The following GRIK3 variants were observed in gnomAD, a reference collection of about 807,000 sequenced individuals.
GRIK3 encodes the protein glutamate receptor ionotropic, kainate 3.
A neutral mutation model predicts 102.5 loss-of-function variants in GRIK3; 29 were observed. That is an observed-to-expected ratio of 0.28 (90% CI 0.21 to 0.39). The LOEUF (loss-of-function observed/expected upper bound fraction) is 0.39. GRIK3 is among the 10% of genes least tolerant of loss of function. The probability of loss-of-function intolerance (pLI) is 1.00; values close to 1 mark genes in which losing one functional copy is unlikely to be tolerated. For missense variants in GRIK3, 908 were observed against 1,252.4 expected (o/e 0.73, Z 4.15); for synonymous variants, 511 against 504.9 (o/e 1.01, Z -0.16).
intron 1 of GRIK3, among the ~76,000 whole-genome samples, chr1:37,030,422 G>A (rs1642811195): frequency 6.6e-6 from 1 of 152,134 alleles, no homozygotes; most frequent in Non-Finnish European, 1.5e-5. Flanking sequence ...GGGATCGGCT[G>A]CTGTTGCCTG....
chr1:36,797,622 C>T lies in GRIK3; in HGVS notation c.*4229G>A, dbSNP rs1219987962. On this transcript the variant is annotated 3_prime_UTR_variant, in exon 16 of 16. Coordinates refer to ENST00000373091, the MANE Select transcript of GRIK3 (RefSeq NM_000831.4). The stretch of plus-strand genomic sequence containing the variant: ...CTGGGCCCATCCCAGATGATAAGTC[C>T]ATGCAGCTGTTTGTCCAAACCTCTA... The T allele has an allele frequency of 6.6e-6, 1 of 152,296 alleles. No individual in the cohort carries two copies. Among genetic ancestry groups the T allele is most frequent in the Admixed American group, 6.5e-5 (1 of 15,288 alleles). The allele number at this position is 152,296 out of a possible 1,614,324, so 9.4% of individuals were successfully genotyped here. A position where few individuals can be genotyped will look rare whatever the true frequency, so the allele number is the denominator to read the frequency against.
chr1:36,833,926 C>T (rs1003426540), intron 10 of GRIK3, among the ~76,000 whole-genome samples: 32 of 152,218 alleles, frequency 2.1e-4, no homozygotes, highest in East Asian at 1.7e-3. Flanking sequence ...CCTGACCTCT[C>T]GAGTCTCCAA....
Position 37,033,892 on chromosome 1 carries a change from C to A in GRIK3, c.115+102G>T, listed in dbSNP as rs766797126. 4.4e-5 allele frequency: 27 copies of A among 609,416 alleles called. No homozygotes were observed. The African/African-American group carries it at 4.7e-4, about 11-fold the overall frequency. The allele number at this position is 609,416 out of a possible 1,614,324, so 37.8% of individuals were successfully genotyped here. ...GTGGTCACCGATCGGCTCAGCAGCT[C>A]GGAGAGAGGTTAGGAAAATCTCTCC... On this transcript the variant is annotated intron_variant, in intron 1 of 15. Transcript: ENST00000373091.
At chr1:36,871,183 ACACAAC>A (rs2124252692) in intron 4 of GRIK3, among the ~76,000 whole-genome samples, 1 of 152,276 alleles carries the variant, frequency 6.6e-6, no homozygotes, top group Admixed American at 6.5e-5. Flanking sequence ...GCTCCAGGGC[ACACAAC>A]GTGAAAGGGC....
chr1:36,806,116 C>T lies in GRIK3; in HGVS notation c.2302G>A (p.Gly768Ser), dbSNP rs1642499366. 3 of 1,613,570 alleles carry T rather than the reference C, an allele frequency of 1.9e-6. No individual in the cohort carries two copies. The highest frequency in any genetic ancestry group is 2.5e-6 in the Non-Finnish European group (3 of 1,179,578). The change falls in exon 14 of 16, where the codon GGC (glycine) becomes AGC (serine). Residue 768 changes from glycine to serine, a missense_variant. Around this residue, in one of 3 missense-constraint regions of GRIK3, gnomAD observed 297 missense variants for 362.7 expected, o/e 0.82. Coordinates refer to ENST00000373091, the MANE Select transcript of GRIK3 (RefSeq NM_000831.4). This position sits in a 1 kb window ranked among gnomAD's most constrained non-coding sequence, Gnocchi z 4.0. The stretch of plus-strand genomic sequence containing the variant: ...GCCCCTCGCTCACCCATGGGCGTGC[C>T]GATGCCGTAGCCCTTGGAGTCAATG... The part of the protein sequence containing the change: ...GLIDSKGYGI[G>S]TPMGSPYRDK...
intron 10 of GRIK3, among the ~76,000 whole-genome samples, chr1:36,832,177 C>T (rs2124205086): frequency 6.6e-6 from 1 of 152,250 alleles, no homozygotes; most frequent in East Asian, 1.9e-4. Flanking sequence ...GGTGTTTCCA[C>T]CCCCTCAGAC....
intron 1 of GRIK3, among the ~76,000 whole-genome samples, chr1:36,999,958 T>C (rs751025473): frequency 7.9e-5 from 12 of 152,036 alleles, no homozygotes; most frequent in African/African-American, 2.2e-4. Flanking sequence ...GATCACACCA[T>C]TGCACTCCAG....
At chr1:36,927,546 C>T (rs1247295451) in intron 1 of GRIK3, among the ~76,000 whole-genome samples, 1 of 152,098 alleles carries the variant, frequency 6.6e-6, no homozygotes, top group Non-Finnish European at 1.5e-5. Flanking sequence ...GTGTTTGTGA[C>T]CTCCGTTCAT....
chr1:36,974,357 T>C (rs1046667009), intron 1 of GRIK3, among the ~76,000 whole-genome samples: 1 of 152,218 alleles, frequency 6.6e-6, no homozygotes, highest in Non-Finnish European at 1.5e-5. Flanking sequence ...GGTTAAAATA[T>C]GTTAACATAT....
intron 1 of GRIK3, among the ~76,000 whole-genome samples, chr1:36,957,106 T>A (rs1015629520): frequency 3.3e-5 from 5 of 152,258 alleles, no homozygotes; most frequent in Admixed American, 3.3e-4. Context: ...GCCTCCAGAA[T>A]AAGGCTGGGC....
In GRIK3 at chr1:36,974,378, C is replaced by T. The variant is rs1642174049; in HGVS notation, c.115+59616G>A. ...AATATGTTAACATATATATGTTTAACACATGCATATATTAAAATATAAACA... is the reference window on the plus strand; with the variant it reads ...AATATGTTAACATATATATGTTTAATACATGCATATATTAAAATATAAACA... On this transcript the variant is annotated intron_variant, in intron 1 of 15. Coordinates refer to ENST00000373091, the MANE Select transcript of GRIK3 (RefSeq NM_000831.4). Among the ~76,000 whole-genome samples, 4 of 152,250 alleles carry T rather than the reference C, an allele frequency of 2.6e-5. No individual in the cohort carries two copies. The South Asian group carries it at 8.3e-4, about 32-fold the overall frequency.
intron 1 of GRIK3, among the ~76,000 whole-genome samples, chr1:37,022,700 T>G (rs1425063644): frequency 6.6e-6 from 1 of 152,198 alleles, no homozygotes; most frequent in Non-Finnish European, 1.5e-5. Flanking sequence ...ATGGAAAAAG[T>G]GTTGAGCTGC....
chr1:36,859,225 G>A lies in GRIK3; in HGVS notation c.987C>T (p.Ala329=), dbSNP rs375298280. The A allele has an allele frequency of 9.9e-6, 16 of 1,612,474 alleles. No homozygotes were observed. The highest frequency in any genetic ancestry group is 4.0e-5 in the African/African-American group (3 of 74,876). Residue 329 remains alanine, a synonymous_variant, in exon 7 of 16, where the codon GCC becomes GCT. Coordinates refer to ENST00000373091, the MANE Select transcript of GRIK3 (RefSeq NM_000831.4). ...MMTDAALLYD[A]VHIVSVCYQR... ...GGTAGCACACGGACACGATATGGAC[G>A]GCGTCGTACAGTAAGGCTGCATCAG...
At chr1:36,879,267 G>A (rs1429943424) in intron 3 of GRIK3, among the ~76,000 whole-genome samples, 2 of 152,160 alleles carry the variant, frequency 1.3e-5, no homozygotes, top group African/African-American at 4.8e-5. Flanking sequence ...GCTGAGGTGG[G>A]AGGATTGCTT....
intron 3 of GRIK3, among the ~76,000 whole-genome samples, chr1:36,873,994 G>C (rs1640873062): frequency 6.6e-6 from 1 of 152,178 alleles, no homozygotes; most frequent in African/African-American, 2.4e-5. Flanking sequence ...TTCAGCCTCT[G>C]GATCAAATGG....
intron 2 of GRIK3, among the ~76,000 whole-genome samples, chr1:36,884,138 G>A (rs1641013436): frequency 6.6e-6 from 1 of 152,144 alleles, no homozygotes; most frequent in Non-Finnish European, 1.5e-5. Flanking sequence ...CATACAACGG[G>A]GGCATGGCAT....
chr1:36,964,481 C>A (rs533162737), intron 1 of GRIK3, among the ~76,000 whole-genome samples: 2 of 152,348 alleles, frequency 1.3e-5, no homozygotes, highest in East Asian at 3.9e-4. Flanking sequence ...GGAAACCGAA[C>A]CCCCACATCT....
chr1:36,914,035 C>T (rs1363422867), intron 1 of GRIK3, among the ~76,000 whole-genome samples: 2 of 152,246 alleles, frequency 1.3e-5, no homozygotes, highest in African/African-American at 4.8e-5. Flanking sequence ...GCTCTGGTCC[C>T]TGTCTCTAGC....
At chr1:36,955,079 C>T (rs542348581) in intron 1 of GRIK3, among the ~76,000 whole-genome samples, 2 of 152,354 alleles carry the variant, frequency 1.3e-5, no homozygotes, top group South Asian at 4.1e-4. Flanking sequence ...CCACATGGGC[C>T]TCCAACCCCA....
Sources: gnomAD v4.1 joint callset for allele counts (sites outside exome capture counted in the v4.1 genomes callset) on GRCh38, gnomAD v4.1.1 for gene constraint, gnomAD v4.1.1 regional missense constraint, Gnocchi (gnomAD v3.1) non-coding constraint, MANE v1.5 for transcripts, NCBI Gene and HGNC (gene_info 2026-07-23, HGNC 2026-07-21) for gene names.